The following SMYD3 variants were observed in gnomAD, a reference collection of about 807,000 sequenced individuals.
SMYD3 encodes SET and MYND domain containing 3, also known as histone-lysine N-methyltransferase SMYD3.
Under a neutral mutation model 57.7 loss-of-function variants are expected in SMYD3, and 36 were observed. The observed-to-expected ratio is 0.62, with a 90% CI of 0.48 to 0.82. The LOEUF (loss-of-function observed/expected upper bound fraction) is 0.82, where lower values mean the gene tolerates loss of function less well. Ranked by LOEUF, SMYD3 falls within the 40% of genes least tolerant of loss-of-function variation. The pLI, the probability that SMYD3 is intolerant of heterozygous loss-of-function variation, is 0.00. For missense variants in SMYD3, 515 were observed against 538.8 expected (o/e 0.96, Z 0.44); for synonymous variants, 211 against 195.0 (o/e 1.08, Z -0.68).
intron 1 of SMYD3, among the ~76,000 whole-genome samples, chr1:246,427,337 G>A (rs1474672669): frequency 6.6e-6 from 1 of 151,204 alleles, no homozygotes; most frequent in African/African-American, 2.4e-5. Context: ...CGGCTAAAAC[G>A]GTGAAACCCC....
chr1:245,961,065 G>A (rs898513835), intron 5 of SMYD3, among the ~76,000 whole-genome samples: 2 of 152,158 alleles, frequency 1.3e-5, no homozygotes, highest in Admixed American at 6.5e-5. Context: ...ACTACCAAGG[G>A]AAGGCAGAGT....
In SMYD3 at chr1:246,046,303, G is replaced by T. The variant is rs1169254225; in HGVS notation, c.532-116366C>A. On this transcript the variant is annotated intron_variant, in intron 5 of 11. Transcript: ENST00000490107. ...TGGAATACTATGCAGCCATAAAAAA[G>T]GATGAGTTCATGTCCTTTGTAGGGA... 7.9e-5 allele frequency among the ~76,000 whole-genome samples: 12 copies of T among 152,156 alleles called. 1 individual carries two copies. The South Asian group carries it at 2.1e-3, about 26-fold the overall frequency.
chr1:245,963,974 C>T (rs1030903587), intron 5 of SMYD3, among the ~76,000 whole-genome samples: 1 of 152,212 alleles, frequency 6.6e-6, no homozygotes, highest in Non-Finnish European at 1.5e-5. Context: ...GCTATAAAGA[C>T]GTAACCAATG....
At chr1:245,989,747 T>C (rs574793691) in intron 5 of SMYD3, among the ~76,000 whole-genome samples, 33 of 152,366 alleles carry the variant, frequency 2.2e-4, no homozygotes, top group Admixed American at 5.2e-4. Flanking sequence ...ACAGGCCAAC[T>C]TGGGTATGGT....
intron 5 of SMYD3, among the ~76,000 whole-genome samples, chr1:246,324,241 G>A (rs1369510138): frequency 6.6e-6 from 1 of 151,708 alleles, no homozygotes; most frequent in African/African-American, 2.4e-5. Context: ...GTGGTGCAAC[G>A]TTGTCTCTAC....
intron 5 of SMYD3, among the ~76,000 whole-genome samples, chr1:245,946,268 C>G (rs1447797965): frequency 6.6e-6 from 1 of 152,142 alleles, no homozygotes; most frequent in Non-Finnish European, 1.5e-5. Context: ...GAGAGATGGT[C>G]TCAGAGTTGT....
chr1:245,976,375 CTAGCCCAGGGAAAGCCAT>C (rs2058425312), intron 5 of SMYD3, among the ~76,000 whole-genome samples: 2 of 7,192 alleles, frequency 2.8e-4, no homozygotes, highest in African/African-American at 5.6e-4. Flanking sequence ...GCCATCGTCT[CTAGCCCAGGGAAAGCCAT>C]CGTCTCTAGC....
At chr1:246,506,978 G>GCCC in intron 1 of SMYD3, 76 bp downstream of exon 1, 16 of 1,174,506 alleles carry the variant, frequency 1.4e-5, no homozygotes, top group East Asian at 1.1e-4. Context: ...CGCGGCTGCC[G>GCCC]GCCGCCCGAC....
chr1:246,489,173 C>A (rs909185377), intron 1 of SMYD3, among the ~76,000 whole-genome samples: 1 of 152,102 alleles, frequency 6.6e-6, no homozygotes, highest in South Asian at 2.1e-4. Context: ...GGTGACACCC[C>A]GTCTCTACTA....
chr1:246,496,647 G>C (rs2068369467), intron 1 of SMYD3, among the ~76,000 whole-genome samples: 1 of 152,020 alleles, frequency 6.6e-6, no homozygotes, highest in South Asian at 2.1e-4. Context: ...GGGCAACATG[G>C]TGAAACCCCA....
At chr1:246,222,679 G>C (rs1435800505) in intron 5 of SMYD3, among the ~76,000 whole-genome samples, 1 of 152,126 alleles carries the variant, frequency 6.6e-6, no homozygotes, top group Non-Finnish European at 1.5e-5. Flanking sequence ...GGAGTCAAAG[G>C]TGATTTCAAT....
intron 5 of SMYD3, among the ~76,000 whole-genome samples, chr1:246,039,751 G>A (rs145003439): frequency 2.9e-4 from 44 of 152,272 alleles, no homozygotes; most frequent in African/African-American, 1.0e-3. Flanking sequence ...GAGAAAAGCC[G>A]TGGAGAGGCG....
chr1:246,060,873 T>C (rs2060240887), intron 5 of SMYD3, among the ~76,000 whole-genome samples: 1 of 152,230 alleles, frequency 6.6e-6, no homozygotes, highest in Non-Finnish European at 1.5e-5. Flanking sequence ...ACTACACACA[T>C]CTATTCCTTT....
At chr1:246,237,013 AT>A (rs2063522894) in intron 5 of SMYD3, among the ~76,000 whole-genome samples, 1 of 152,154 alleles carries the variant, frequency 6.6e-6, no homozygotes, top group Non-Finnish European at 1.5e-5. Flanking sequence ...CTACCACTTG[AT>A]GAAGAAAACC....
chr1:246,411,580 G>A (rs1452831633), intron 1 of SMYD3, among the ~76,000 whole-genome samples: 1 of 152,106 alleles, frequency 6.6e-6, no homozygotes, highest in African/African-American at 2.4e-5. Context: ...GAAGCCAAAT[G>A]TCCAACAATG....
At chr1:246,192,804 C>T (rs1217523407) in intron 5 of SMYD3, among the ~76,000 whole-genome samples, 1 of 151,844 alleles carries the variant, frequency 6.6e-6, no homozygotes, top group Non-Finnish European at 1.5e-5. Context: ...GAGATTAGCT[C>T]TCTCTAGGGA....
intron 10 of SMYD3, among the ~76,000 whole-genome samples, chr1:245,836,097 G>A (rs571068862): frequency 1.3e-5 from 2 of 152,248 alleles, no homozygotes; most frequent in Admixed American, 1.3e-4. Flanking sequence ...CTCCAAGATC[G>A]AAAAATATCC....
intron 1 of SMYD3, among the ~76,000 whole-genome samples, chr1:246,502,135 C>CTTTTTTTTTTTTTTTTTT (rs56336266): frequency 6.9e-6 from 1 of 145,914 alleles, no homozygotes. Context: ...ATGCAGCTGC[C>CTTTTTTTTTTTTTTTTTT]TTTTTTTTTT....
chr1:245,858,782 C>A, intron 9 of SMYD3, 112 bp from the exon 10 acceptor site: 2 of 1,090,184 alleles, frequency 1.8e-6, no homozygotes, highest in Non-Finnish European at 2.6e-6. Context: ...GGGAAGCACC[C>A]GTTATTTTTC....
Sources: gnomAD v4.1 joint callset for allele counts (sites outside exome capture counted in the v4.1 genomes callset) on GRCh38, gnomAD v4.1.1 for gene constraint, MANE v1.5 for transcripts, NCBI Gene and HGNC (gene_info 2026-07-23, HGNC 2026-07-21) for gene names.